Variants in RSRC1 observed in about 807,000 individuals in gnomAD.
RSRC1 encodes arginine and serine rich coiled-coil 1, also known as serine/Arginine-related protein 53.
In RSRC1, 39 loss-of-function variants were observed where a neutral mutation model predicts 49.1. The ratio of observed to expected loss-of-function variants is 0.79; its 90% CI spans 0.61 to 1.04. The LOEUF (loss-of-function observed/expected upper bound fraction) is 1.04, where lower values mean the gene tolerates loss of function less well. Ranked by LOEUF, RSRC1 falls within the 50% of genes least tolerant of loss-of-function variation. The pLI is 0.00. For synonymous variants in RSRC1, 143 were observed against 130.8 expected, an observed-to-expected ratio of 1.09 and a Z score of -0.63; for missense variants, 388 against 402.4, an observed-to-expected ratio of 0.96 and a Z score of 0.31.
In RSRC1 at chr3:158,376,546, C is replaced by G. The variant is rs79204614; in HGVS notation, c.583+21638C>G. Among the ~76,000 whole-genome samples the G allele has an allele frequency of 8.0e-3, 1,214 of 152,176 alleles. 37 individuals are homozygous for G. The highest frequency in any genetic ancestry group is 0.065 in the Admixed American group (987 of 15,290). ...GGTGCCTGTAGCTCCATCTCCTCAACTAACTTGGTCCACTAAGCTCTTCTT... is the reference window on the plus strand; with the variant it reads ...GGTGCCTGTAGCTCCATCTCCTCAAGTAACTTGGTCCACTAAGCTCTTCTT... On this transcript the variant is annotated intron_variant, in intron 6 of 9. Coordinates refer to ENST00000611884, the MANE Select transcript of RSRC1 (RefSeq NM_001271838.2).
rs1258836778 is a variant in RSRC1 at position 158,544,540 on chromosome 3, AT to A, written c.*266del. ...AACATAAATAAGTCTGTTAAAATGA[AT>A]GGTAGACACTAGTGTTTCTTAGTGC... is the stretch of plus-strand genomic sequence containing the variant. On this transcript the variant is annotated 3_prime_UTR_variant, in exon 10 of 10. Transcript: ENST00000611884. 1 of 242,118 alleles carries A rather than the reference AT, an allele frequency of 4.1e-6. No individual in the cohort carries two copies. The highest frequency in any genetic ancestry group is 7.9e-6 in the Non-Finnish European group (1 of 125,876). The allele number at this position is 242,118 out of a possible 1,614,324, so 15.0% of individuals were successfully genotyped here. A position where few individuals can be genotyped will look rare whatever the true frequency, so the allele number is the denominator to read the frequency against.
intron 3 of RSRC1, among the ~76,000 whole-genome samples, chr3:158,151,759 T>C (rs1040663239): frequency 2.0e-5 from 3 of 152,186 alleles, no homozygotes; most frequent in African/African-American, 7.2e-5. Context: ...CAAAAAGTTC[T>C]GGGAGGACAC....
At chr3:158,178,352 C>G (rs1412367371) in intron 3 of RSRC1, among the ~76,000 whole-genome samples, 1 of 152,098 alleles carries the variant, frequency 6.6e-6, no homozygotes, top group Non-Finnish European at 1.5e-5. Context: ...GTTGGCCAGA[C>G]TGGTCTCAAT....
chr3:158,300,919 G>A (rs913802468), intron 5 of RSRC1, among the ~76,000 whole-genome samples: 1 of 152,084 alleles, frequency 6.6e-6, no homozygotes, highest in Non-Finnish European at 1.5e-5. Flanking sequence ...ACTTTTCTTG[G>A]TATATAGTTA....
intron 3 of RSRC1, among the ~76,000 whole-genome samples, chr3:158,138,635 G>T (rs1173373566): frequency 1.3e-5 from 2 of 152,178 alleles, no homozygotes; most frequent in Non-Finnish European, 2.9e-5. Flanking sequence ...ATTGTCATAA[G>T]ATTTCCTTTT....
Position 158,487,952 on chromosome 3 carries a change from A to G in RSRC1, c.652+26949A>G, listed in dbSNP as rs1395750177. ...GAGACAAGAGACTCCATCTCAAGAAAAAAAAAAAAAAAAAAAAAAAAACTG... is the reference window on the plus strand; with the variant it reads ...GAGACAAGAGACTCCATCTCAAGAAGAAAAAAAAAAAAAAAAAAAAAACTG... On this transcript the variant is annotated intron_variant, in intron 7 of 9. Coordinates refer to ENST00000611884, the MANE Select transcript of RSRC1 (RefSeq NM_001271838.2). Among the ~76,000 whole-genome samples, 39 of 137,372 alleles carry G rather than the reference A, an allele frequency of 2.8e-4. 2 individuals carry two copies. The highest frequency in any genetic ancestry group is 1.3e-3 in the East Asian group (6 of 4,642). 90.1% of individuals were successfully genotyped at this position (137,372 alleles called of 152,430 possible). A position where few individuals can be genotyped will look rare whatever the true frequency, so the allele number is the denominator to read the frequency against.
At chr3:158,388,813 G>C (rs949129110) in intron 6 of RSRC1, among the ~76,000 whole-genome samples, 1 of 152,068 alleles carries the variant, frequency 6.6e-6, no homozygotes, top group Non-Finnish European at 1.5e-5. Flanking sequence ...GTTTCACCGT[G>C]TTGGCCAGGA....
At position 158,196,426 on chromosome 3, in the gene RSRC1, T is replaced by C. The variant is rs563403913; in HGVS notation, c.321-6646T>C. ...CTGAGACAGTGGGATTTTCTAGATATACAATCACGTCATCTGCAAACAGGG... is the reference window on the plus strand; with the variant it reads ...CTGAGACAGTGGGATTTTCTAGATACACAATCACGTCATCTGCAAACAGGG... On this transcript the variant is annotated intron_variant, in intron 3 of 9. Transcript: ENST00000611884. Among the ~76,000 whole-genome samples the C allele has an allele frequency of 3.9e-5, 6 of 152,308 alleles. No homozygotes were observed. The South Asian group carries it at 1.0e-3, about 26-fold the overall frequency.
At chr3:158,465,182 CTA>C (rs1279874776) in intron 7 of RSRC1, among the ~76,000 whole-genome samples, 6 of 152,122 alleles carry the variant, frequency 3.9e-5, no homozygotes, top group African/African-American at 1.4e-4. Flanking sequence ...TGCATAATCT[CTA>C]TCTGCTTTTC....
chr3:158,224,880 C>T (rs1008978917), intron 4 of RSRC1, among the ~76,000 whole-genome samples: 2 of 151,696 alleles, frequency 1.3e-5, no homozygotes, highest in African/African-American at 2.4e-5. Flanking sequence ...ACTGTTTTAA[C>T]AACTGAAAAA....
chr3:158,174,593 T>C (rs994536270), intron 3 of RSRC1, among the ~76,000 whole-genome samples: 1 of 151,994 alleles, frequency 6.6e-6, no homozygotes, highest in African/African-American at 2.4e-5. Context: ...TTTTGGCGTT[T>C]TTGAACTTTA....
chr3:158,505,067 A>G (rs970598146), intron 7 of RSRC1, among the ~76,000 whole-genome samples: 1 of 152,222 alleles, frequency 6.6e-6, no homozygotes, highest in African/African-American at 2.4e-5. Flanking sequence ...CAGAAAATCA[A>G]TAAACTTAAC....
chr3:158,285,075 G>T (rs1460763294), intron 4 of RSRC1, among the ~76,000 whole-genome samples: 2 of 152,130 alleles, frequency 1.3e-5, no homozygotes, highest in Non-Finnish European at 2.9e-5. Flanking sequence ...TTCGTATAAG[G>T]TGTAAGGAAG....
intron 6 of RSRC1, among the ~76,000 whole-genome samples, chr3:158,358,415 T>C (rs1025419355): frequency 1.3e-5 from 2 of 152,220 alleles, no homozygotes; most frequent in African/African-American, 4.8e-5. Context: ...TACCTCCTAA[T>C]TGGCTTCCTG....
intron 3 of RSRC1, among the ~76,000 whole-genome samples, chr3:158,140,961 G>A (rs1439630841): frequency 1.3e-5 from 2 of 152,142 alleles, no homozygotes; most frequent in Admixed American, 6.5e-5. Flanking sequence ...AAGCTCTCAG[G>A]CACCAGAGAG....
intron 7 of RSRC1, among the ~76,000 whole-genome samples, chr3:158,529,214 GTATATATATA>G (rs10596761): frequency 7.0e-6 from 1 of 143,126 alleles, no homozygotes; most frequent in Non-Finnish European, 1.5e-5. Flanking sequence ...ATGTGTGTGT[GTATATATATA>G]TATATATATA....
At chr3:158,438,649 A>C (rs939574863) in intron 6 of RSRC1, among the ~76,000 whole-genome samples, 1 of 152,192 alleles carries the variant, frequency 6.6e-6, no homozygotes, top group African/African-American at 2.4e-5. Context: ...ACTTCCTTAC[A>C]CCATATACAA....
intron 4 of RSRC1, among the ~76,000 whole-genome samples, chr3:158,226,591 TATA>T (rs1237280499): frequency 1.5e-4 from 23 of 151,936 alleles, no homozygotes; most frequent in African/African-American, 5.3e-4. Context: ...TCTAGTGTAA[TATA>T]ATGTTATTTG....
intron 4 of RSRC1, among the ~76,000 whole-genome samples, chr3:158,210,414 A>G (rs1435414912): frequency 6.6e-6 from 1 of 151,870 alleles, no homozygotes; most frequent in African/African-American, 2.4e-5. Flanking sequence ...GCGAAGGGTA[A>G]ATGTTTGGTT....
Sources: allele counts gnomAD v4.1 joint callset (sites outside exome capture counted in the v4.1 genomes callset), GRCh38; gene constraint gnomAD v4.1.1; transcripts MANE v1.5; gene names NCBI Gene and HGNC (gene_info 2026-07-23, HGNC 2026-07-21).